GRIK4: variants seen among roughly 807,000 people sequenced by gnomAD.
GRIK4 encodes glutamate ionotropic receptor kainate type subunit 4.
GRIK4 carries 40 observed loss-of-function variants against 104.9 expected under a neutral mutation model. That is an observed-to-expected ratio of 0.38 (90% CI 0.30 to 0.50). The LOEUF (loss-of-function observed/expected upper bound fraction) is 0.50, where lower values mean the gene tolerates loss of function less well. Ranked by LOEUF, GRIK4 falls within the 20% of genes least tolerant of loss-of-function variation. The pLI is 0.93. For synonymous variants in GRIK4, 485 were observed against 524.9 expected, an observed-to-expected ratio of 0.92 and a Z score of 1.04; for missense variants, 1,047 against 1,308.1, an observed-to-expected ratio of 0.80 and a Z score of 3.08.
intron 3 of GRIK4, among the ~76,000 whole-genome samples, chr11:120,732,239 C>G (rs1331494793): frequency 6.6e-6 from 1 of 152,168 alleles, no homozygotes; most frequent in African/African-American, 2.4e-5. Context: ...TCAAGCGATT[C>G]TCCTGCCTCA....
intron 3 of GRIK4, among the ~76,000 whole-genome samples, chr11:120,720,494 C>A (rs1950912137): frequency 6.6e-6 from 1 of 152,142 alleles, no homozygotes; most frequent in Non-Finnish European, 1.5e-5. Flanking sequence ...AGATGCCAGG[C>A]CTGGACCACG....
Position 120,902,024 on chromosome 11 carries a change from C to G in GRIK4, c.1273-3266C>G, listed in dbSNP as rs958232585. 1.3e-5 allele frequency among the ~76,000 whole-genome samples: 2 copies of G among 152,186 alleles called. No individual in the cohort carries two copies. Among genetic ancestry groups the G allele is most frequent in the Admixed American group, 1.3e-4 (2 of 15,272 alleles). Reference sequence around the variant, plus strand: ...GCTGATCCAATTCGATAGCTCTTACCAGGAATGACGATCTTAATTCAGTTC... The same window carrying G: ...GCTGATCCAATTCGATAGCTCTTACGAGGAATGACGATCTTAATTCAGTTC... On this transcript the variant is annotated intron_variant, in intron 12 of 20. Coordinates refer to ENST00000527524, the MANE Select transcript of GRIK4 (RefSeq NM_014619.5). This position sits in a 1 kb window ranked among gnomAD's most constrained non-coding sequence, Gnocchi z 4.5.
chr11:120,624,405 C>G (rs570243822), intron 1 of GRIK4, among the ~76,000 whole-genome samples: 2 of 152,212 alleles, frequency 1.3e-5, no homozygotes, highest in African/African-American at 4.8e-5. Flanking sequence ...GGCCCCAAAG[C>G]TAGGCTCTAG....
At chr11:120,602,529 G>A (rs1948900853) in intron 1 of GRIK4, among the ~76,000 whole-genome samples, 1 of 152,160 alleles carries the variant, frequency 6.6e-6, no homozygotes, top group African/African-American at 2.4e-5. Context: ...AACCCATTTT[G>A]CAGATGAGTA....
intron 1 of GRIK4, among the ~76,000 whole-genome samples, chr11:120,612,113 T>G (rs1591738051): frequency 6.6e-6 from 1 of 152,346 alleles, no homozygotes; most frequent in African/African-American, 2.4e-5. Flanking sequence ...CCTGACATGC[T>G]TGTCATACTT....
chr11:120,555,910 G>A lies in GRIK4; in HGVS notation c.-159+44023G>A, dbSNP rs2136098800. Reference sequence around the variant, plus strand: ...ATGTGACAACTGGGGCAATGACCAGGTTGACACAGGCACTTCTCACCACAG... The same window carrying A: ...ATGTGACAACTGGGGCAATGACCAGATTGACACAGGCACTTCTCACCACAG... On this transcript the variant is annotated intron_variant, in intron 1 of 20. Coordinates refer to ENST00000527524, the MANE Select transcript of GRIK4 (RefSeq NM_014619.5). This position sits in a 1 kb window ranked among gnomAD's most constrained non-coding sequence, Gnocchi z 5.3. 6.6e-6 allele frequency among the ~76,000 whole-genome samples: 1 copy of A among 152,234 alleles called. No individual in the cohort carries two copies. Among genetic ancestry groups the A allele is most frequent in the Non-Finnish European group, 1.5e-5 (1 of 68,008 alleles).
Position 120,638,551 on chromosome 11 carries a change from C to T in GRIK4, c.-158-15134C>T, listed in dbSNP as rs997142344. Among the ~76,000 whole-genome samples, 4 of 151,722 alleles carry T rather than the reference C, an allele frequency of 2.6e-5. No homozygotes were observed. In the South Asian group the frequency reaches 6.3e-4, roughly 24 times the overall value. On this transcript the variant is annotated intron_variant, in intron 1 of 20. Transcript: ENST00000527524. ...GGAGTGCAGTGGCATGATCTCGGCT[C>T]ACTGCAAGCTCCGCCTCCTGGGTTC...
At chr11:120,866,232 G>C (rs1293048193) in intron 9 of GRIK4, among the ~76,000 whole-genome samples, 1 of 152,158 alleles carries the variant, frequency 6.6e-6, no homozygotes, top group Non-Finnish European at 1.5e-5. Flanking sequence ...TGCAGGAGCA[G>C]GGTTCACCTC....
intron 1 of GRIK4, among the ~76,000 whole-genome samples, chr11:120,617,953 A>G (rs1214804721): frequency 6.6e-6 from 1 of 152,222 alleles, no homozygotes; most frequent in Admixed American, 6.5e-5. Flanking sequence ...CTATAAAGAT[A>G]CCTGAAAATG....
At chr11:120,547,928 C>T (rs542768025) in intron 1 of GRIK4, among the ~76,000 whole-genome samples, 2 of 152,198 alleles carry the variant, frequency 1.3e-5, no homozygotes, top group Non-Finnish European at 2.9e-5. Flanking sequence ...CAGCCCAGGG[C>T]TGCTGGGTAC....
chr11:120,911,270 ACT>A (rs1284193224), intron 13 of GRIK4, among the ~76,000 whole-genome samples: 1 of 141,774 alleles, frequency 7.1e-6, no homozygotes, highest in African/African-American at 2.6e-5. Context: ...ACGGAGTTTC[ACT>A]CTGTCACCCA....
chr11:120,681,957 T>G (rs553749751), intron 3 of GRIK4, among the ~76,000 whole-genome samples: 10 of 152,368 alleles, frequency 6.6e-5, no homozygotes, highest in African/African-American at 2.4e-4. Flanking sequence ...GATGATGAGA[T>G]AATTCATAAA....
At chr11:120,842,524 C>G (rs981423738) in intron 8 of GRIK4, among the ~76,000 whole-genome samples, 3 of 152,190 alleles carry the variant, frequency 2.0e-5, no homozygotes, top group Non-Finnish European at 4.4e-5. Flanking sequence ...AATTATCAAT[C>G]ATCATCACAC....
At chr11:120,960,801 A>G (rs1318857878) in intron 16 of GRIK4, 108 bp from the exon 17 acceptor site, 3 of 789,546 alleles carry the variant, frequency 3.8e-6, no homozygotes, top group Non-Finnish European at 4.0e-6. Flanking sequence ...AAGCTCTTTC[A>G]TAAGAAAGAT....
chr11:120,771,712 C>T (rs1200953497), intron 3 of GRIK4, among the ~76,000 whole-genome samples: 1 of 152,160 alleles, frequency 6.6e-6, no homozygotes, highest in Non-Finnish European at 1.5e-5. Context: ...AAGAATGACC[C>T]ATAAGACATT....
At chr11:120,973,208 A>G (rs984855542) in intron 19 of GRIK4, among the ~76,000 whole-genome samples, 4 of 152,168 alleles carry the variant, frequency 2.6e-5, no homozygotes, top group African/African-American at 9.7e-5. Context: ...TGGCCTTGGA[A>G]ACAGTTCCGC....
intron 13 of GRIK4, among the ~76,000 whole-genome samples, chr11:120,919,152 G>A (rs1210695585): frequency 1.3e-5 from 2 of 152,308 alleles, no homozygotes; most frequent in African/African-American, 4.8e-5. Flanking sequence ...TTTGACAGGC[G>A]ACAAGGAGGA....
intron 1 of GRIK4, among the ~76,000 whole-genome samples, chr11:120,618,419 G>A (rs761331986): frequency 1.4e-4 from 22 of 152,180 alleles, no homozygotes; most frequent in Admixed American, 1.3e-3. Flanking sequence ...CAGCCTGGTC[G>A]TGTGGTACAA....
chr11:120,964,079 G>A (rs1274217868), intron 18 of GRIK4, among the ~76,000 whole-genome samples: 1 of 151,604 alleles, frequency 6.6e-6, no homozygotes, highest in African/African-American at 2.4e-5. Context: ...TGCAACCTCC[G>A]CCTCCCACTT....
Sources: gnomAD v4.1 joint callset for allele counts (sites outside exome capture counted in the v4.1 genomes callset) on GRCh38, gnomAD v4.1.1 for gene constraint, Gnocchi (gnomAD v3.1) non-coding constraint, MANE v1.5 for transcripts, NCBI Gene and HGNC (gene_info 2026-07-23, HGNC 2026-07-21) for gene names.